MTHFD2L: variants seen among roughly 807,000 people sequenced by gnomAD.
MTHFD2L encodes methylenetetrahydrofolate dehydrogenase (NADP+ dependent) 2 like, also known as bifunctional methylenetetrahydrofolate dehydrogenase/cyclohydrolase 2, mitochondrial.
Under a neutral mutation model 34.9 loss-of-function variants are expected in MTHFD2L, and 29 were observed. That is an observed-to-expected ratio of 0.83 (90% confidence interval 0.62 to 1.13). MTHFD2L has a LOEUF of 1.13. Among genes scored for constraint, MTHFD2L ranks in the 50% most tolerant of loss-of-function variants. The pLI is 0.00. For missense variants in MTHFD2L, 481 were observed against 446.5 expected (o/e 1.08, Z -0.70); for synonymous variants, 167 against 155.7 (o/e 1.07, Z -0.54).
At chr4:74,214,481 C>T (rs1366893867) in intron 5 of MTHFD2L, among the ~76,000 whole-genome samples, 2 of 151,774 alleles carry the variant, frequency 1.3e-5, no homozygotes, top group African/African-American at 2.4e-5. Flanking sequence ...TGCAGGTCTG[C>T]TGGAGTTTGC....
chr4:74,214,001 G>A lies in MTHFD2L; in HGVS notation c.713-11301G>A, dbSNP rs914962858. 3.3e-5 allele frequency among the ~76,000 whole-genome samples: 5 copies of A among 151,462 alleles called. 1 individual carries two copies. The highest frequency in any genetic ancestry group is 1.2e-4 in the African/African-American group (5 of 40,906). ...TCCTTTCTTCCACTTGATCAATTCT[G>A]CTATTGATTCTTGTGTATGGTTCAC... is the stretch of plus-strand genomic sequence containing the variant. On this transcript the variant is annotated intron_variant, in intron 5 of 7. Transcript: ENST00000325278.
At chr4:74,143,396 G>A (rs1050035652) in intron 1 of MTHFD2L, 1 of 985,074 alleles carries the variant, frequency 1.0e-6, no homozygotes, top group Non-Finnish European at 1.2e-6. Flanking sequence ...TGTCTAGGCT[G>A]GTGCAGCATG....
chr4:74,198,788 A>G (rs751017053), intron 3 of MTHFD2L, among the ~76,000 whole-genome samples: 5 of 152,178 alleles, frequency 3.3e-5, no homozygotes, highest in Non-Finnish European at 7.4e-5. Flanking sequence ...GAGACTTTCC[A>G]AAGACTCAGT....
intron 3 of MTHFD2L, among the ~76,000 whole-genome samples, chr4:74,192,209 G>A (rs1416102322): frequency 6.6e-6 from 1 of 152,074 alleles, no homozygotes. Context: ...CATGGTAGGA[G>A]GGATAGGATG....
intron 6 of MTHFD2L, among the ~76,000 whole-genome samples, chr4:74,240,549 C>T (rs1184524190): frequency 6.6e-6 from 1 of 151,788 alleles, no homozygotes; most frequent in Non-Finnish European, 1.5e-5. Context: ...CATTTGTATT[C>T]GATTATATTC....
chr4:74,291,178 A>G (rs1748912801), intron 7 of MTHFD2L, among the ~76,000 whole-genome samples: 2 of 150,376 alleles, frequency 1.3e-5, no homozygotes, highest in South Asian at 4.2e-4. Context: ...TGCCACACCC[A>G]GGTAATTTTT....
intron 1 of MTHFD2L, among the ~76,000 whole-genome samples, chr4:74,171,387 T>C (rs1727949731): frequency 6.6e-6 from 1 of 152,172 alleles, no homozygotes; most frequent in South Asian, 2.1e-4. Context: ...ACTCATATAG[T>C]GTTTGAAGGA....
At chr4:74,170,506 G>A (rs564188507) in intron 1 of MTHFD2L, among the ~76,000 whole-genome samples, 38 of 152,222 alleles carry the variant, frequency 2.5e-4, no homozygotes, top group African/African-American at 8.7e-4. Context: ...AAACGCTGGA[G>A]AAAACCTTTG....
At chr4:74,143,485 A>G (rs1164246102) in intron 1 of MTHFD2L, 7 of 974,748 alleles carry the variant, frequency 7.2e-6, no homozygotes, top group Non-Finnish European at 8.5e-6. Context: ...GAACTGTCTC[A>G]GGGGCCATGG....
intron 6 of MTHFD2L, among the ~76,000 whole-genome samples, chr4:74,277,658 G>A (rs934309956): frequency 2.0e-5 from 3 of 151,884 alleles, no homozygotes; most frequent in Non-Finnish European, 4.4e-5. Flanking sequence ...TCTTTATACT[G>A]AGCTAAAAGA....
chr4:74,237,291 A>C (rs906900592), intron 6 of MTHFD2L, among the ~76,000 whole-genome samples: 3 of 152,160 alleles, frequency 2.0e-5, no homozygotes, highest in Non-Finnish European at 4.4e-5. Context: ...TACCTGGTGA[A>C]GAACCTTGCT....
At chr4:74,253,595 C>A (rs1743608272) in intron 6 of MTHFD2L, among the ~76,000 whole-genome samples, 1 of 152,118 alleles carries the variant, frequency 6.6e-6, no homozygotes, top group Non-Finnish European at 1.5e-5. Context: ...CCAACCTCAC[C>A]CCAGTGAATC....
intron 5 of MTHFD2L, chr4:74,224,013 G>C (rs1738688828): frequency 6.6e-6 from 1 of 151,904 alleles, no homozygotes; most frequent in South Asian, 2.1e-4. Flanking sequence ...ACTCATCATT[G>C]AATGAGTTGG....
intron 6 of MTHFD2L, among the ~76,000 whole-genome samples, chr4:74,279,868 A>C (rs1054428182): frequency 1.3e-5 from 2 of 152,090 alleles, no homozygotes; most frequent in Admixed American, 1.3e-4. Context: ...CTCTTCTGTT[A>C]CATCATTATG....
At chr4:74,178,193 TAAC>T (rs1394439464) in intron 3 of MTHFD2L, among the ~76,000 whole-genome samples, 1 of 152,014 alleles carries the variant, frequency 6.6e-6, no homozygotes, top group South Asian at 2.1e-4. Flanking sequence ...ACTTAGCTAA[TAAC>T]AACATACTAT....
At chr4:74,294,006 C>CT (rs1285795390) in intron 7 of MTHFD2L, among the ~76,000 whole-genome samples, 1 of 151,860 alleles carries the variant, frequency 6.6e-6, no homozygotes, top group Non-Finnish European at 1.5e-5. Context: ...CATCCTTCTT[C>CT]TTTTTGGGGG....
chr4:74,229,822 G>A (rs1195245743), intron 6 of MTHFD2L, among the ~76,000 whole-genome samples: 1 of 152,144 alleles, frequency 6.6e-6, no homozygotes, highest in Admixed American at 6.5e-5. Flanking sequence ...CCTACTCAAA[G>A]CCAAATCTCT....
At chr4:74,221,523 T>G (rs1361931015) in intron 5 of MTHFD2L, among the ~76,000 whole-genome samples, 3 of 151,854 alleles carry the variant, frequency 2.0e-5, no homozygotes, top group Non-Finnish European at 4.4e-5. Context: ...CCTCTTTGTT[T>G]TATTTAGTGC....
intron 6 of MTHFD2L, among the ~76,000 whole-genome samples, chr4:74,236,902 A>C (rs1740919369): frequency 6.6e-6 from 1 of 152,032 alleles, no homozygotes; most frequent in South Asian, 2.1e-4. Flanking sequence ...ATCTCTTTTT[A>C]GGTTTTTTTT....
Sources: allele counts gnomAD v4.1 joint callset (sites outside exome capture counted in the v4.1 genomes callset), GRCh38; gene constraint gnomAD v4.1.1; transcripts MANE v1.5; gene names NCBI Gene and HGNC (gene_info 2026-07-23, HGNC 2026-07-21).